ROR2: variants seen among roughly 807,000 people sequenced by gnomAD.
The protein encoded by ROR2 is ROR family WNT receptor 2.
A neutral mutation model predicts 74.9 loss-of-function variants in ROR2; 33 were observed. The ratio of observed to expected loss-of-function variants is 0.44; its 90% CI spans 0.33 to 0.59. ROR2 has a LOEUF of 0.59. Among genes scored for constraint, ROR2 ranks in the 20% least tolerant of loss-of-function variants. The pLI, the probability that ROR2 is intolerant of heterozygous loss-of-function variation, is 0.02. For missense variants in ROR2, 1,216 were observed against 1,313.8 expected, an observed-to-expected ratio of 0.93 and a Z score of 1.15; for synonymous variants, 586 against 558.7, an observed-to-expected ratio of 1.05 and a Z score of -0.69.
At chr9:91,848,168 C>T (rs1490729412) in intron 1 of ROR2, among the ~76,000 whole-genome samples, 5 of 152,152 alleles carry the variant, frequency 3.3e-5, no homozygotes, top group African/African-American at 4.8e-5. Flanking sequence ...CTTCTGATAA[C>T]GTATGCATGC....
chr9:91,852,757 G>C (rs936621405), intron 1 of ROR2, among the ~76,000 whole-genome samples: 2 of 152,134 alleles, frequency 1.3e-5, no homozygotes, highest in African/African-American at 4.8e-5. Flanking sequence ...TATCCTAACA[G>C]GAAAGAAGAG....
chr9:91,816,875 C>T (rs75340192), intron 1 of ROR2, among the ~76,000 whole-genome samples: 3,093 of 152,264 alleles, frequency 0.02, 107 homozygotes, highest in African/African-American at 0.071. Flanking sequence ...AGACAAGACA[C>T]TTGGAGAGAA....
Position 91,724,572 on chromosome 9 carries a change from T to C in ROR2, c.1922A>G (p.Tyr641Cys). The change falls in exon 9 of 9, where the codon TAT becomes TGT. Residue 641 changes from tyrosine (Y) to cysteine (C), a missense_variant. By Grantham distance (194) the Tyr-to-Cys change is radical (BLOSUM62 -2). Coordinates refer to ENST00000375708, the MANE Select transcript of ROR2 (RefSeq NM_004560.4). The part of the protein sequence containing the change: ...ISDLGLFREV[Y>C]AADYYKLLGN... ...CAGCAGCTTGTAGTAATCGGCGGCA[T>C]ACACCTCTCGGAAGAGGCCCAAGTC... 1.2e-6 allele frequency: 2 copies of C among 1,614,212 alleles called. No homozygotes were observed. The highest frequency in any genetic ancestry group is 1.7e-6 in the Non-Finnish European group (2 of 1,180,036).
At chr9:91,813,816 C>T (rs1191352648) in intron 1 of ROR2, among the ~76,000 whole-genome samples, 1 of 152,240 alleles carries the variant, frequency 6.6e-6, no homozygotes, top group Admixed American at 6.5e-5. Flanking sequence ...GCGTGTTTAC[C>T]GCCTGGGAAA....
chr9:91,944,923 G>T (rs561443659), intron 1 of ROR2, among the ~76,000 whole-genome samples: 1 of 152,064 alleles, frequency 6.6e-6, no homozygotes, highest in Non-Finnish European at 1.5e-5. Flanking sequence ...AGGCACGGTA[G>T]CGCGTGCCTG....
intron 1 of ROR2, 68 bp downstream of exon 1, chr9:91,949,799 C>T (rs1429869700): frequency 5.0e-6 from 5 of 1,009,456 alleles, no homozygotes; most frequent in South Asian, 2.7e-5. Flanking sequence ...AGCATAGTGG[C>T]GGCGGAAGGG....
chr9:91,873,855 C>T (rs1005604783), intron 1 of ROR2, among the ~76,000 whole-genome samples: 2 of 152,308 alleles, frequency 1.3e-5, no homozygotes, highest in Non-Finnish European at 1.5e-5. Flanking sequence ...TCAGGGGAAC[C>T]TTTTCCTCCC....
At chr9:91,818,453 GC>G (rs1266885712) in intron 1 of ROR2, among the ~76,000 whole-genome samples, 1 of 57,098 alleles carries the variant, frequency 1.8e-5, no homozygotes, top group African/African-American at 6.7e-5. Flanking sequence ...CGCCCACCAC[GC>G]CCCCCCACCC....
chr9:91,891,075 G>A (rs1830407436), intron 1 of ROR2, among the ~76,000 whole-genome samples: 1 of 152,110 alleles, frequency 6.6e-6, no homozygotes, highest in African/African-American at 2.4e-5. Context: ...GGCATCTGTA[G>A]TTTGATATTT....
chr9:91,838,628 A>G (rs12002827), intron 1 of ROR2, among the ~76,000 whole-genome samples: 26,496 of 152,162 alleles, frequency 0.17, 3,801 homozygotes, highest in African/African-American at 0.4. Context: ...GCTCGCAGGC[A>G]GCCACCCCAG....
chr9:91,855,987 A>G (rs1386041583), intron 1 of ROR2, among the ~76,000 whole-genome samples: 1 of 152,062 alleles, frequency 6.6e-6, no homozygotes, highest in East Asian at 1.9e-4. Context: ...TACCCATAAA[A>G]TCTTGGAATG....
chr9:91,883,014 A>C (rs560352955), intron 1 of ROR2, among the ~76,000 whole-genome samples: 1 of 152,330 alleles, frequency 6.6e-6, no homozygotes, highest in Admixed American at 6.5e-5. Context: ...ACAAGAACTC[A>C]AAGTGTTTCA....
chr9:91,925,023 A>ATTT (rs919862349), intron 1 of ROR2, among the ~76,000 whole-genome samples: 1 of 151,770 alleles, frequency 6.6e-6, no homozygotes, highest in Admixed American at 6.6e-5. Context: ...TTTTATTATT[A>ATTT]TTATTATTTG....
intron 1 of ROR2, among the ~76,000 whole-genome samples, chr9:91,841,752 G>T (rs1353689366): frequency 6.6e-6 from 1 of 152,106 alleles, no homozygotes; most frequent in Non-Finnish European, 1.5e-5. Context: ...CAGTGCCCTC[G>T]GATGCCAGCC....
intron 5 of ROR2, among the ~76,000 whole-genome samples, chr9:91,736,930 T>C (rs1305412144): frequency 6.6e-6 from 1 of 152,140 alleles, no homozygotes; most frequent in Non-Finnish European, 1.5e-5. Context: ...CGCGACTCTT[T>C]CCCCAAAACA....
intron 1 of ROR2, among the ~76,000 whole-genome samples, chr9:91,933,556 T>G (rs1479338825): frequency 6.6e-6 from 1 of 152,118 alleles, no homozygotes; most frequent in Non-Finnish European, 1.5e-5. Flanking sequence ...TTAGCAATGG[T>G]TTTTAAAAAT....
At chr9:91,906,526 C>A (rs1352185755) in intron 1 of ROR2, among the ~76,000 whole-genome samples, 4 of 152,132 alleles carry the variant, frequency 2.6e-5, no homozygotes, top group African/African-American at 9.7e-5. Context: ...GCAGAGAATG[C>A]CCCTCAATTC....
intron 4 of ROR2, among the ~76,000 whole-genome samples, chr9:91,752,074 A>G (rs1825610666): frequency 6.6e-6 from 1 of 152,260 alleles, no homozygotes; most frequent in South Asian, 2.1e-4. Flanking sequence ...CGGAATAGCT[A>G]CACTTAAAAA....
At chr9:91,845,877 C>CAAAAAAAAAAAAAAAAAAAAAAAAAAAA (rs5899143) in intron 1 of ROR2, among the ~76,000 whole-genome samples, 1 of 33,874 alleles carries the variant, frequency 3.0e-5, no homozygotes, top group African/African-American at 7.3e-5. Context: ...GAATCCATCT[C>CAAAAAAAAAAAAAAAAAAAAAAAAAAAA]AAAAAAAAAA....
Sources: allele counts gnomAD v4.1 joint callset (sites outside exome capture counted in the v4.1 genomes callset), GRCh38; gene constraint gnomAD v4.1.1; transcripts MANE v1.5; gene names NCBI Gene and HGNC (gene_info 2026-07-23, HGNC 2026-07-21).